The following CAMKMT variants were observed in gnomAD, a reference collection of about 807,000 sequenced individuals.
The protein encoded by CAMKMT is CaM KMT.
A neutral mutation model predicts 48.0 loss-of-function variants in CAMKMT; 53 were observed. That is an observed-to-expected ratio of 1.10 (90% CI 0.89 to 1.39). The LOEUF (loss-of-function observed/expected upper bound fraction) is 1.39. CAMKMT is among the 40% of genes most tolerant of loss of function. The pLI, the probability that CAMKMT is intolerant of heterozygous loss-of-function variation, is 0.00. For synonymous variants in CAMKMT, 165 were observed against 152.3 expected, an observed-to-expected ratio of 1.08 and a Z score of -0.61; for missense variants, 428 against 402.7, an observed-to-expected ratio of 1.06 and a Z score of -0.54.
intron 3 of CAMKMT, among the ~76,000 whole-genome samples, chr2:44,627,925 C>T (rs1392743156): frequency 6.6e-6 from 1 of 151,894 alleles, no homozygotes; most frequent in Non-Finnish European, 1.5e-5. Context: ...GTCTCTAACT[C>T]CTGACCTCAG....
At chr2:44,480,481 A>G (rs1432308082) in intron 3 of CAMKMT, among the ~76,000 whole-genome samples, 1 of 152,200 alleles carries the variant, frequency 6.6e-6, no homozygotes, top group African/African-American at 2.4e-5. Flanking sequence ...GTTCAAGTCA[A>G]AATAGAGTTA....
chr2:44,764,857 A>G (rs1239124277), intron 9 of CAMKMT, among the ~76,000 whole-genome samples: 1 of 152,120 alleles, frequency 6.6e-6, no homozygotes, highest in Non-Finnish European at 1.5e-5. Context: ...TGTAGTGGAG[A>G]GAGCATCAGT....
chr2:44,621,266 CA>C (rs10667154), intron 3 of CAMKMT, among the ~76,000 whole-genome samples: 341 of 84,512 alleles, frequency 4.0e-3, no homozygotes, highest in African/African-American at 0.014. Flanking sequence ...GACTCCATCT[CA>C]AAAAAAAAAA....
intron 3 of CAMKMT, among the ~76,000 whole-genome samples, chr2:44,658,142 T>A (rs993747445): frequency 3.9e-5 from 6 of 152,224 alleles, no homozygotes; most frequent in African/African-American, 1.4e-4. Context: ...CCGACGTCAT[T>A]CTGTAGTTGT....
rs1474275279 is a variant in CAMKMT at position 44,634,543 on chromosome 2, T to C, written c.377-69740T>C. 2.0e-5 allele frequency among the ~76,000 whole-genome samples: 3 copies of C among 152,142 alleles called. No individual in the cohort carries two copies. The East Asian group carries it at 5.8e-4, about 29-fold the overall frequency. ...AGTATATTGTTTAGAAATTTACTTA[T>C]ACATCATACCACAGTGATTTATTGA... On this transcript the variant is annotated intron_variant, in intron 3 of 10. Transcript: ENST00000378494.
intron 3 of CAMKMT, among the ~76,000 whole-genome samples, chr2:44,554,047 T>C (rs1667869658): frequency 1.3e-5 from 2 of 152,362 alleles, no homozygotes; most frequent in East Asian, 3.9e-4. Context: ...TTTATCTCTT[T>C]AAAGAACACA....
intron 9 of CAMKMT, among the ~76,000 whole-genome samples, chr2:44,763,004 T>A (rs924733987): frequency 5.9e-5 from 9 of 152,224 alleles, no homozygotes; most frequent in African/African-American, 1.7e-4. Flanking sequence ...GGTTTTGATT[T>A]GTGCAGCTGA....
chr2:44,482,793 A>G (rs1669036650), intron 3 of CAMKMT, among the ~76,000 whole-genome samples: 1 of 152,088 alleles, frequency 6.6e-6, no homozygotes, highest in South Asian at 2.1e-4. Flanking sequence ...GATGATTAGA[A>G]AGGTAAATTA....
At chr2:44,442,307 T>A (rs1666715529) in intron 3 of CAMKMT, among the ~76,000 whole-genome samples, 1 of 152,210 alleles carries the variant, frequency 6.6e-6, no homozygotes, top group Non-Finnish European at 1.5e-5. Flanking sequence ...CATAGAGTTG[T>A]GTGTATATAT....
At chr2:44,537,027 G>T (rs1666814010) in intron 3 of CAMKMT, among the ~76,000 whole-genome samples, 1 of 152,082 alleles carries the variant, frequency 6.6e-6, no homozygotes, top group South Asian at 2.1e-4. Context: ...ATGGATTAAG[G>T]ACTTAAATAT....
At chr2:44,620,362 C>T (rs1364376591) in intron 3 of CAMKMT, among the ~76,000 whole-genome samples, 1 of 152,082 alleles carries the variant, frequency 6.6e-6, no homozygotes, top group Non-Finnish European at 1.5e-5. Context: ...AATTCTTTCA[C>T]CCCTTGACCC....
chr2:44,690,783 C>A (rs1676605012), intron 3 of CAMKMT, among the ~76,000 whole-genome samples: 1 of 151,814 alleles, frequency 6.6e-6, no homozygotes, highest in Non-Finnish European at 1.5e-5. Flanking sequence ...CGAGACCAGA[C>A]TGACTAACAT....
intron 3 of CAMKMT, among the ~76,000 whole-genome samples, chr2:44,675,222 C>T (rs1414856046): frequency 6.6e-6 from 1 of 152,192 alleles, no homozygotes; most frequent in Non-Finnish European, 1.5e-5. Flanking sequence ...GCCTCCTCAA[C>T]TTGATGGCTG....
intron 3 of CAMKMT, among the ~76,000 whole-genome samples, chr2:44,607,099 T>C (rs1456652970): frequency 6.6e-6 from 1 of 152,248 alleles, no homozygotes; most frequent in Admixed American, 6.5e-5. Flanking sequence ...AAGGAACATT[T>C]TGCTACAATA....
At chr2:44,559,922 A>G (rs1461865198) in intron 3 of CAMKMT, among the ~76,000 whole-genome samples, 6 of 152,226 alleles carry the variant, frequency 3.9e-5, no homozygotes, top group Non-Finnish European at 7.3e-5. Context: ...TTGACTTTGA[A>G]TAATATTGGT....
intron 7 of CAMKMT, among the ~76,000 whole-genome samples, chr2:44,743,375 A>T (rs1419510986): frequency 1.3e-5 from 2 of 152,228 alleles, no homozygotes; most frequent in Non-Finnish European, 2.9e-5. Flanking sequence ...TAGTTTGTCT[A>T]CAAAAACCTA....
intron 3 of CAMKMT, among the ~76,000 whole-genome samples, chr2:44,416,737 G>C (rs923221622): frequency 4.6e-5 from 7 of 151,288 alleles, no homozygotes; most frequent in Non-Finnish European, 1.0e-4. Flanking sequence ...ACCACACCCG[G>C]CTAATTTTTG....
chr2:44,446,410 G>A (rs1312958521), intron 3 of CAMKMT, among the ~76,000 whole-genome samples: 1 of 152,016 alleles, frequency 6.6e-6, no homozygotes, highest in Non-Finnish European at 1.5e-5. Flanking sequence ...GTAGTGTTGT[G>A]ATCTCAGTTC....
intron 6 of CAMKMT, 56 bp downstream of exon 6, chr2:44,707,518 G>A: frequency 2.7e-6 from 4 of 1,460,058 alleles, no homozygotes; most frequent in Non-Finnish European, 3.8e-6. Flanking sequence ...TTTCCTGGCT[G>A]AGTAACAATT....
Sources: gnomAD v4.1 joint callset for allele counts (sites outside exome capture counted in the v4.1 genomes callset) on GRCh38, gnomAD v4.1.1 for gene constraint, MANE v1.5 for transcripts, NCBI Gene and HGNC (gene_info 2026-07-23, HGNC 2026-07-21) for gene names.